Variants in GRM8 observed in about 807,000 individuals in gnomAD.
The protein encoded by GRM8 is glutamate metabotropic receptor 8, also known as metabotropic glutamate receptor 8.
Under a neutral mutation model 87.2 loss-of-function variants are expected in GRM8, and 47 were observed. That is an observed-to-expected ratio of 0.54 (90% CI 0.43 to 0.69). The LOEUF is 0.69. Among genes scored for constraint, GRM8 ranks in the 30% least tolerant of loss-of-function variants. GRM8 has a pLI of 0.00. For missense variants in GRM8, 1,019 were observed against 1,139.2 expected, an observed-to-expected ratio of 0.89 and a Z score of 1.52; for synonymous variants, 396 against 404.5, an observed-to-expected ratio of 0.98 and a Z score of 0.25.
intron 3 of GRM8, among the ~76,000 whole-genome samples, chr7:127,088,052 A>C (rs1342177616): frequency 6.6e-6 from 1 of 152,270 alleles, no homozygotes; most frequent in Non-Finnish European, 1.5e-5. Context: ...CTTTAAAAAT[A>C]GAGGACTCAG....
At chr7:127,031,877 T>A (rs1356995245) in intron 3 of GRM8, among the ~76,000 whole-genome samples, 1 of 152,118 alleles carries the variant, frequency 6.6e-6, no homozygotes, top group Non-Finnish European at 1.5e-5. Context: ...CTTCACATTC[T>A]TTAATACCTA....
At chr7:127,238,021 A>G (rs1798074608) in intron 2 of GRM8, among the ~76,000 whole-genome samples, 7 of 152,162 alleles carry the variant, frequency 4.6e-5, no homozygotes, top group Admixed American at 4.6e-4. Flanking sequence ...CTTCTCAAAC[A>G]TTTCCAAAGA....
intron 3 of GRM8, among the ~76,000 whole-genome samples, chr7:127,050,258 T>A (rs1314298740): frequency 6.6e-6 from 1 of 152,156 alleles, no homozygotes; most frequent in East Asian, 1.9e-4. Context: ...CAACAGGGAC[T>A]GACTGTGCGT....
At chr7:126,884,422 G>A (rs1487331247) in intron 6 of GRM8, among the ~76,000 whole-genome samples, 3 of 152,096 alleles carry the variant, frequency 2.0e-5, no homozygotes, top group South Asian at 4.2e-4. Context: ...ACCAACAAAT[G>A]GATATCAGTA....
intron 6 of GRM8, among the ~76,000 whole-genome samples, chr7:126,813,204 T>C (rs1793465505): frequency 6.6e-6 from 1 of 152,050 alleles, no homozygotes; most frequent in Non-Finnish European, 1.5e-5. Flanking sequence ...GAGGTGACTA[T>C]TACAAAGGTT....
intron 3 of GRM8, among the ~76,000 whole-genome samples, chr7:127,067,935 G>A (rs958816263): frequency 5.3e-5 from 8 of 152,056 alleles, no homozygotes; most frequent in African/African-American, 1.7e-4. Flanking sequence ...AGTGATTCAG[G>A]GAGAACAGCA....
intron 7 of GRM8, among the ~76,000 whole-genome samples, chr7:126,763,472 T>TATATATATATATATATAC (rs1479649712): frequency 1.3e-5 from 1 of 78,348 alleles, no homozygotes; most frequent in Non-Finnish European, 2.5e-5. Context: ...TATATATATA[T>TATATATATATATATATAC]ACACACACAC....
intron 6 of GRM8, among the ~76,000 whole-genome samples, chr7:126,814,930 G>T (rs145688295): frequency 6.6e-6 from 1 of 151,920 alleles, no homozygotes; most frequent in Admixed American, 6.6e-5. Context: ...ATGGACAAAT[G>T]ACTTTAAACA....
At chr7:127,214,116 T>G (rs1796378144) in intron 2 of GRM8, among the ~76,000 whole-genome samples, 3 of 152,198 alleles carry the variant, frequency 2.0e-5, no homozygotes, top group Admixed American at 6.5e-5. Context: ...AATCCATGAA[T>G]AAAATCTTTT....
At chr7:126,696,929 G>A (rs567762696) in intron 7 of GRM8, among the ~76,000 whole-genome samples, 160 of 152,108 alleles carry the variant, frequency 1.1e-3, no homozygotes, top group Admixed American at 4.1e-3. Context: ...GCCAATGTTC[G>A]TTGCAGCACT....
intron 3 of GRM8, among the ~76,000 whole-genome samples, chr7:127,047,133 AT>A (rs1316324017): frequency 6.6e-6 from 1 of 152,098 alleles, no homozygotes; most frequent in Non-Finnish European, 1.5e-5. Context: ...GCTGTTAAAA[AT>A]TTTTTTTAAA....
chr7:126,910,519 A>C (rs970443901), intron 3 of GRM8, among the ~76,000 whole-genome samples: 7 of 152,190 alleles, frequency 4.6e-5, no homozygotes, highest in Admixed American at 2.0e-4. Flanking sequence ...ACAAATAGCT[A>C]CATGTAAATA....
At chr7:126,800,402 T>C (rs1585988361) in intron 6 of GRM8, among the ~76,000 whole-genome samples, 1 of 152,106 alleles carries the variant, frequency 6.6e-6, no homozygotes, top group East Asian at 1.9e-4. Flanking sequence ...TTTCCCCCCA[T>C]TTTTCCCATT....
intron 9 of GRM8, among the ~76,000 whole-genome samples, chr7:126,498,566 C>T (rs1425879289): frequency 6.6e-6 from 1 of 151,986 alleles, no homozygotes; most frequent in African/African-American, 2.4e-5. Context: ...CACTCACTCA[C>T]ACAGGAGGCA....
chr7:126,927,823 T>C (rs1805302664), intron 3 of GRM8, among the ~76,000 whole-genome samples: 1 of 152,128 alleles, frequency 6.6e-6, no homozygotes, highest in Non-Finnish European at 1.5e-5. Context: ...TCCTCAAGGA[T>C]CTAGAACTAG....
intron 3 of GRM8, among the ~76,000 whole-genome samples, chr7:127,103,044 G>T (rs1052372576): frequency 6.6e-6 from 1 of 152,142 alleles, no homozygotes; most frequent in African/African-American, 2.4e-5. Flanking sequence ...TGCATTTTTA[G>T]TAGAAACTGG....
At chr7:126,727,013 C>T (rs1388395936) in intron 7 of GRM8, among the ~76,000 whole-genome samples, 1 of 151,998 alleles carries the variant, frequency 6.6e-6, no homozygotes, top group Non-Finnish European at 1.5e-5. Context: ...TCATAGTTCT[C>T]AATTAGCTAT....
intron 8 of GRM8, among the ~76,000 whole-genome samples, chr7:126,560,437 G>A (rs1007720672): frequency 1.3e-5 from 2 of 152,026 alleles, no homozygotes; most frequent in Non-Finnish European, 2.9e-5. Flanking sequence ...CAGCAGGGGG[G>A]AATGCTTTTA....
chr7:126,658,700 T>C (rs989603332), intron 7 of GRM8, among the ~76,000 whole-genome samples: 5 of 151,640 alleles, frequency 3.3e-5, no homozygotes, highest in Admixed American at 2.0e-4. Flanking sequence ...GTATGTGCTC[T>C]AAGGAACTGG....
Sources: allele counts gnomAD v4.1 joint callset (sites outside exome capture counted in the v4.1 genomes callset), GRCh38; gene constraint gnomAD v4.1.1; transcripts MANE v1.5; gene names NCBI Gene and HGNC (gene_info 2026-07-23, HGNC 2026-07-21).